Variants in SDK2 observed in about 807,000 individuals in gnomAD.
The protein encoded by SDK2 is sidekick cell adhesion molecule 2.
SDK2 carries 105 observed loss-of-function variants against 253.9 expected under a neutral mutation model. That is an observed-to-expected ratio of 0.41 (90% CI 0.35 to 0.49). SDK2 has a LOEUF of 0.49. Among genes scored for constraint, SDK2 ranks in the 20% least tolerant of loss-of-function variants. The pLI is 0.06. For missense variants in SDK2, 2,608 were observed against 3,003.0 expected (o/e 0.87, Z 3.07); for synonymous variants, 1,249 against 1,234.9 (o/e 1.01, Z -0.24).
chr17:73,380,333 G>A (rs1182714118), intron 34 of SDK2, among the ~76,000 whole-genome samples: 1 of 152,180 alleles, frequency 6.6e-6, no homozygotes, highest in Middle Eastern at 3.2e-3. Context: ...TCCTGAGCAC[G>A]AAACCCTCTT....
intron 2 of SDK2, among the ~76,000 whole-genome samples, chr17:73,493,232 G>A (rs890403807): frequency 1.3e-5 from 2 of 152,112 alleles, no homozygotes; most frequent in Non-Finnish European, 2.9e-5. Context: ...CTCAGGTGAT[G>A]AATGATGAAA....
At chr17:73,561,687 C>T (rs1168595484) in intron 1 of SDK2, among the ~76,000 whole-genome samples, 1 of 152,234 alleles carries the variant, frequency 6.6e-6, no homozygotes, top group African/African-American at 2.4e-5. Context: ...GAGTGGGGAG[C>T]ACTGTGCAGA....
chr17:73,416,071 G>T (rs559244330), intron 16 of SDK2, 79 bp from the exon 17 acceptor site: 10 of 1,356,472 alleles, frequency 7.4e-6, no homozygotes, highest in Non-Finnish European at 1.0e-5. Context: ...CCAGAGCAGC[G>T]CTGTCCAATA....
chr17:73,453,328 C>T (rs570087621), intron 4 of SDK2, among the ~76,000 whole-genome samples: 82 of 151,470 alleles, frequency 5.4e-4, no homozygotes, highest in African/African-American at 1.3e-3. Context: ...TGCAGACTCA[C>T]AAGAAAAAGA....
chr17:73,400,660 ATT>A (rs548822077), intron 21 of SDK2, among the ~76,000 whole-genome samples: 1 of 143,822 alleles, frequency 7.0e-6, no homozygotes. Context: ...GCCTCTTTTT[ATT>A]TTTTTTTTTG....
At chr17:73,551,367 G>T (rs1045235236) in intron 1 of SDK2, among the ~76,000 whole-genome samples, 2 of 152,092 alleles carry the variant, frequency 1.3e-5, no homozygotes, top group African/African-American at 2.4e-5. Flanking sequence ...GAACAGAAAC[G>T]CGGCCTGGGC....
At chr17:73,489,621 G>A (rs1411867776) in intron 2 of SDK2, among the ~76,000 whole-genome samples, 3 of 152,172 alleles carry the variant, frequency 2.0e-5, no homozygotes, top group Non-Finnish European at 4.4e-5. Context: ...TGGAGGATGA[G>A]CCACAGTCTC....
chr17:73,457,068 T>G (rs55824518), intron 3 of SDK2, among the ~76,000 whole-genome samples: 70,368 of 151,972 alleles, frequency 0.46, 16,712 homozygotes, highest in Admixed American at 0.59. Context: ...TGTTCAACTG[T>G]GAGGAGCATA....
rs567487631 is a variant in SDK2 at position 73,421,269 on chromosome 17, G to A, written c.2045+1018C>T. On this transcript the variant is annotated intron_variant, in intron 15 of 44. Transcript: ENST00000392650. ...CTGCCACCTGCCACTGCTCCCTCCC[G>A]TGAGATTGTTTGACCCCAGTGGTGC... 1.4e-4 allele frequency among the ~76,000 whole-genome samples: 14 copies of A among 102,590 alleles called. 2 individuals carry two copies. Among genetic ancestry groups the A allele is most frequent in the East Asian group, 1.0e-3 (5 of 4,878 alleles). 67.3% of individuals were successfully genotyped at this position (102,590 alleles called of 152,430 possible). A position where few individuals can be genotyped will look rare whatever the true frequency, so the allele number is the denominator to read the frequency against.
intron 2 of SDK2, among the ~76,000 whole-genome samples, chr17:73,500,309 C>CG (rs2063878698): frequency 7.0e-6 from 1 of 143,432 alleles, no homozygotes; most frequent in African/African-American, 2.6e-5. Context: ...CTCCATCCTT[C>CG]TCCATCCTCC....
intron 1 of SDK2, among the ~76,000 whole-genome samples, chr17:73,622,963 C>T (rs1417394167): frequency 6.6e-6 from 1 of 152,228 alleles, no homozygotes; most frequent in Non-Finnish European, 1.5e-5. Context: ...GCTAATGCTC[C>T]CATCTGTAGG....
intron 18 of SDK2, among the ~76,000 whole-genome samples, chr17:73,406,346 C>T (rs994478884): frequency 6.6e-6 from 1 of 150,942 alleles, no homozygotes; most frequent in East Asian, 2.0e-4. Flanking sequence ...CCAGTTCAAA[C>T]GATTCTCTTG....
intron 1 of SDK2, among the ~76,000 whole-genome samples, chr17:73,551,465 C>A (rs1010954635): frequency 3.2e-4 from 48 of 152,186 alleles, no homozygotes; most frequent in African/African-American, 1.1e-3. Flanking sequence ...GGGGAGGGGG[C>A]GGAGCGGCCG....
chr17:73,638,294 A>T (rs2143298098), intron 1 of SDK2, among the ~76,000 whole-genome samples: 1 of 152,348 alleles, frequency 6.6e-6, no homozygotes, highest in African/African-American at 2.4e-5. Context: ...GGCTAGAAAT[A>T]TACCAGTGAA....
intron 3 of SDK2, among the ~76,000 whole-genome samples, chr17:73,462,750 G>C (rs2063572760): frequency 6.6e-6 from 1 of 152,078 alleles, no homozygotes; most frequent in Non-Finnish European, 1.5e-5. Flanking sequence ...AGCTGGCCTT[G>C]GTCCAGGTTC....
chr17:73,401,024 G>A lies in SDK2; in HGVS notation c.2967C>T (p.Pro989=), dbSNP rs768690461. 6.4e-7 allele frequency: 1 copy of A among 1,571,280 alleles called. No individual in the cohort carries two copies. The highest frequency in any genetic ancestry group is 8.6e-7 in the Non-Finnish European group (1 of 1,158,016). ...GCCTTGAGAGTGGGCACTTACCTGG[G>A]GGCACCCCAGAGGAGATGGTGGAGG... The part of the protein sequence containing the change: ...VSASTISSGV[P]PELPGPPTNL... The change falls in exon 21 of 45, where the codon CCC becomes CCT. Residue 989 remains proline, a synonymous_variant. Coordinates refer to ENST00000392650, the MANE Select transcript of SDK2 (RefSeq NM_001144952.2).
chr17:73,391,916 G>C (rs565951603), intron 27 of SDK2, among the ~76,000 whole-genome samples: 4 of 151,106 alleles, frequency 2.6e-5, no homozygotes, highest in African/African-American at 9.8e-5. Flanking sequence ...TGAAGTGGCC[G>C]TGGGGTAATG....
At chr17:73,483,310 T>TA in intron 2 of SDK2, among the ~76,000 whole-genome samples, 1 of 141,842 alleles carries the variant, frequency 7.1e-6, no homozygotes, top group Non-Finnish European at 1.5e-5. Context: ...GACAGAACTT[T>TA]TTTTTTTTTT....
chr17:73,422,509 G>C, intron 14 of SDK2, 75 bp from the exon 15 acceptor site: 1 of 1,517,468 alleles, frequency 6.6e-7, no homozygotes, highest in Non-Finnish European at 9.1e-7. Context: ...CCCACTCCCA[G>C]CAGGGTCCAG....
Sources: allele counts gnomAD v4.1 joint callset (sites outside exome capture counted in the v4.1 genomes callset), GRCh38; gene constraint gnomAD v4.1.1; transcripts MANE v1.5; gene names NCBI Gene and HGNC (gene_info 2026-07-23, HGNC 2026-07-21).